Variants in DCK observed in about 807,000 individuals in gnomAD.
The protein encoded by DCK is deoxycytidine kinase.
Under a neutral mutation model 38.3 loss-of-function variants are expected in DCK, and 23 were observed. The observed-to-expected ratio is 0.60, with a 90% CI of 0.43 to 0.85. The LOEUF is 0.85. Among genes scored for constraint, DCK ranks in the 40% least tolerant of loss-of-function variants. The pLI is 0.00. For missense variants in DCK, 259 were observed against 304.4 expected (o/e 0.85, Z 1.11); for synonymous variants, 108 against 100.6 (o/e 1.07, Z -0.44).
chr4:71,018,350 G>A (rs559038461), intron 2 of DCK, among the ~76,000 whole-genome samples: 12 of 152,006 alleles, frequency 7.9e-5, no homozygotes, highest in African/African-American at 2.9e-4. Flanking sequence ...GGATGGTCTC[G>A]ATCTCCTGAC....
At chr4:71,026,536 G>C in intron 5 of DCK, 129 bp from the exon 6 acceptor site, 1 of 647,218 alleles carries the variant, frequency 1.5e-6, no homozygotes, top group South Asian at 1.8e-5. Flanking sequence ...ATGAAGTACT[G>C]CAAAGTAACT....
chr4:71,010,166 C>CT (rs367836620), intron 2 of DCK, among the ~76,000 whole-genome samples: 40,583 of 135,314 alleles, frequency 0.3, 6,135 homozygotes, highest in African/African-American at 0.35. Flanking sequence ...GCTGTTTTAG[C>CT]TTTTTTTTTT....
At chr4:71,007,454 C>A (rs919032656) in intron 2 of DCK, among the ~76,000 whole-genome samples, 4 of 152,192 alleles carry the variant, frequency 2.6e-5, no homozygotes, top group African/African-American at 9.7e-5. Context: ...TATCTTCTTT[C>A]CTACGTTACT....
chr4:71,026,853 T>C, intron 6 of DCK, 98 bp downstream of exon 6: 1 of 632,420 alleles, frequency 1.6e-6, no homozygotes, highest in East Asian at 2.9e-5. Flanking sequence ...TTCCATAAAG[T>C]TACATTAAGA....
chr4:71,014,569 C>G (rs1369435791), intron 2 of DCK, among the ~76,000 whole-genome samples: 1 of 130,578 alleles, frequency 7.7e-6, no homozygotes, highest in East Asian at 2.4e-4. Flanking sequence ...AAAAAACTGT[C>G]TCTCAGACCA....
chr4:71,017,519 G>T (rs1740301645), intron 2 of DCK, among the ~76,000 whole-genome samples: 2 of 152,084 alleles, frequency 1.3e-5, no homozygotes, highest in East Asian at 3.9e-4. Flanking sequence ...GCAAAGACTT[G>T]GAACCAACCC....
chr4:71,010,543 A>G (rs1368687880), intron 2 of DCK, among the ~76,000 whole-genome samples: 1 of 149,632 alleles, frequency 6.7e-6, no homozygotes, highest in East Asian at 1.9e-4. Context: ...ATTGTGAAGT[A>G]CTATTTTACT....
chr4:71,000,297 G>A (rs909092232), intron 2 of DCK, among the ~76,000 whole-genome samples: 1 of 152,148 alleles, frequency 6.6e-6, no homozygotes, highest in Non-Finnish European at 1.5e-5. Flanking sequence ...CCCATTGCTT[G>A]TTTTTGTCAG....
intron 2 of DCK, among the ~76,000 whole-genome samples, chr4:71,021,977 G>A (rs2148918905): frequency 6.6e-6 from 1 of 152,150 alleles, no homozygotes; most frequent in African/African-American, 2.4e-5. Context: ...ACTCCAGCTG[G>A]GGCAACAGAG....
At chr4:71,017,023 C>A (rs1340787390) in intron 2 of DCK, among the ~76,000 whole-genome samples, 1 of 151,960 alleles carries the variant, frequency 6.6e-6, no homozygotes, top group Non-Finnish European at 1.5e-5. Context: ...AAAATTTTTG[C>A]AATCTACTCA....
intron 1 of DCK, among the ~76,000 whole-genome samples, chr4:70,997,859 C>T (rs529613096): frequency 1.2e-4 from 18 of 152,124 alleles, no homozygotes; most frequent in South Asian, 2.1e-4. Flanking sequence ...TTAAACTAAA[C>T]GTAATAAAAA....
At chr4:71,012,616 G>T (rs1461567640) in intron 2 of DCK, among the ~76,000 whole-genome samples, 1 of 152,156 alleles carries the variant, frequency 6.6e-6, no homozygotes, top group Non-Finnish European at 1.5e-5. Flanking sequence ...AGCAGTATTC[G>T]CTGTTCTGCA....
At chr4:71,023,471 G>T in intron 3 of DCK, 88 bp from the exon 4 acceptor site, 1 of 867,412 alleles carries the variant, frequency 1.2e-6, no homozygotes. Context: ...CTGGATTTAG[G>T]AGAATGTTTC....
At chr4:71,023,779 T>C in intron 4 of DCK, 73 bp downstream of exon 4, 1 of 1,428,060 alleles carries the variant, frequency 7.0e-7, no homozygotes, top group Non-Finnish European at 9.4e-7. Flanking sequence ...TGGTATATAA[T>C]GAGGGCAATT....
intron 2 of DCK, among the ~76,000 whole-genome samples, chr4:71,000,906 G>A (rs969078983): frequency 1.3e-5 from 2 of 152,180 alleles, no homozygotes; most frequent in African/African-American, 4.8e-5. Context: ...GTCACCATAA[G>A]GGATTATGGG....
At chr4:71,026,970 T>G (rs1740562883) in intron 6 of DCK, among the ~76,000 whole-genome samples, 1 of 151,974 alleles carries the variant, frequency 6.6e-6, no homozygotes, top group African/African-American at 2.4e-5. Context: ...AATCTCAGAA[T>G]CTGACAGATC....
At position 71,029,829 on chromosome 4, in the gene DCK, TA is replaced by T. The variant is rs1254370974; in HGVS notation, c.*455del. On this transcript the variant is annotated 3_prime_UTR_variant, in exon 7 of 7. Coordinates refer to ENST00000286648, the MANE Select transcript of DCK (RefSeq NM_000788.3). ...GTCCTGTGTAAATTAGTGTACCTATTAAAAGTTGCAAAGTGGAATTAAAGGA... is the reference window on the plus strand; with the variant it reads ...GTCCTGTGTAAATTAGTGTACCTATTAAAGTTGCAAAGTGGAATTAAAGGA... 1 of 153,366 alleles carries T rather than the reference TA, an allele frequency of 6.5e-6. No individual in the cohort carries two copies. The highest frequency in any genetic ancestry group is 1.9e-4 in the East Asian group (1 of 5,230). 9.5% of individuals were successfully genotyped at this position (153,366 alleles called of 1,614,324 possible). A position where few individuals can be genotyped will look rare whatever the true frequency, so the allele number is the denominator to read the frequency against.
rs72553921 is a variant in DCK at position 70,993,757 on chromosome 4, C to G, written c.-79C>G. The G allele has an allele frequency of 7.3e-6, 7 of 964,830 alleles. No individual in the cohort carries two copies. In the East Asian group the frequency reaches 1.6e-4, roughly 21 times the overall value. 59.8% of individuals were successfully genotyped at this position (964,830 alleles called of 1,614,324 possible). A position where few individuals can be genotyped will look rare whatever the true frequency, so the allele number is the denominator to read the frequency against. ...GTCAGGATCTGGCTTAGCGGCGCCGCGAGCTCCAGTGCGCGCACCCGTGGC... is the reference window on the plus strand; with the variant it reads ...GTCAGGATCTGGCTTAGCGGCGCCGGGAGCTCCAGTGCGCGCACCCGTGGC... On this transcript the variant is annotated 5_prime_UTR_variant, in exon 1 of 7. Coordinates refer to ENST00000286648, the MANE Select transcript of DCK (RefSeq NM_000788.3).
rs1238816519 is a variant in DCK, at chr4:70,998,131, T to C, written c.156T>C (p.Pro52=). 6.2e-7 allele frequency: 1 copy of C among 1,608,978 alleles called. No individual in the cohort carries two copies. Among genetic ancestry groups the C allele is most frequent in the African/African-American group, 1.3e-5 (1 of 74,834 alleles). The change falls in exon 2 of 7, where the codon CCT becomes CCC. Residue 52 remains proline, a synonymous_variant. Coordinates refer to ENST00000286648, the MANE Select transcript of DCK (RefSeq NM_000788.3). ...TGTGTGAAGATTGGGAAGTGGTTCC[T>C]GAACCTGTTGCCAGATGGTGCAATG... ...KQLCEDWEVV[P]EPVARWCNVQ... is the part of the protein sequence containing the mutation.
Sources: gnomAD v4.1 joint callset for allele counts (sites outside exome capture counted in the v4.1 genomes callset) on GRCh38, gnomAD v4.1.1 for gene constraint, MANE v1.5 for transcripts, NCBI Gene and HGNC (gene_info 2026-07-23, HGNC 2026-07-21) for gene names.